ZNF385B: variants seen among roughly 807,000 people sequenced by gnomAD.
ZNF385B encodes zinc finger protein 385B.
ZNF385B carries 23 observed loss-of-function variants against 39.2 expected under a neutral mutation model. That is an observed-to-expected ratio of 0.59 (90% confidence interval 0.42 to 0.83). The LOEUF is 0.83. Ranked by LOEUF, ZNF385B falls within the 40% of genes least tolerant of loss-of-function variation. The pLI is 0.00. For missense variants in ZNF385B, 552 were observed against 598.9 expected (o/e 0.92, Z 0.82); for synonymous variants, 205 against 222.6 (o/e 0.92, Z 0.70).
chr2:179,701,462 A>G (rs1399794473), intron 3 of ZNF385B, among the ~76,000 whole-genome samples: 1 of 152,222 alleles, frequency 6.6e-6, no homozygotes, highest in African/African-American at 2.4e-5. Context: ...TGTAGTAGAA[A>G]CAATTATTAT....
At position 179,809,081 on chromosome 2, in the gene ZNF385B, T is replaced by A. The variant is rs1029792036; in HGVS notation, c.-154-38409A>T. Among the ~76,000 whole-genome samples, 8 of 152,232 alleles carry A rather than the reference T, an allele frequency of 5.3e-5. No individual in the cohort carries two copies. The South Asian group carries it at 1.4e-3, about 28-fold the overall frequency. On this transcript the variant is annotated intron_variant, in intron 1 of 9. Transcript: ENST00000410066. ...CAGGTTGATAGCTGTCAAGCTATGA[T>A]TACTGCCTCTAGAATATGAAAACAT... is the stretch of plus-strand genomic sequence containing the variant.
At chr2:179,765,097 A>G (rs931302470) in intron 3 of ZNF385B, among the ~76,000 whole-genome samples, 3 of 152,092 alleles carry the variant, frequency 2.0e-5, no homozygotes, top group African/African-American at 7.2e-5. Context: ...AGGCCTCCAT[A>G]ATTGTGTGAG....
intron 6 of ZNF385B, among the ~76,000 whole-genome samples, chr2:179,477,399 TA>T (rs1396999861): frequency 6.6e-6 from 1 of 152,182 alleles, no homozygotes; most frequent in Non-Finnish European, 1.5e-5. Context: ...AAGCACAATA[TA>T]CTGAAAACTA....
chr2:179,584,356 G>A (rs1686860237), intron 3 of ZNF385B, among the ~76,000 whole-genome samples: 1 of 152,026 alleles, frequency 6.6e-6, no homozygotes, highest in African/African-American at 2.4e-5. Context: ...AAGCCACTGA[G>A]AACTGCTGCA....
At chr2:179,859,253 C>T (rs971139746) in intron 1 of ZNF385B, among the ~76,000 whole-genome samples, 2 of 152,204 alleles carry the variant, frequency 1.3e-5, no homozygotes, top group East Asian at 1.9e-4. Flanking sequence ...GAGACACCTC[C>T]GTTTGGTTTC....
At chr2:179,465,173 C>T (rs866366842) in intron 6 of ZNF385B, among the ~76,000 whole-genome samples, 2 of 152,048 alleles carry the variant, frequency 1.3e-5, no homozygotes, top group African/African-American at 4.8e-5. Flanking sequence ...TGAAATTTCC[C>T]CTGACTGGTT....
intron 6 of ZNF385B, among the ~76,000 whole-genome samples, chr2:179,472,786 A>T (rs1042060311): frequency 3.3e-5 from 5 of 152,146 alleles, no homozygotes; most frequent in African/African-American, 1.2e-4. Context: ...TTTGGATCTC[A>T]GTAGCCAACC....
Position 179,690,793 on chromosome 2 carries a change from C to T in ZNF385B, c.298+78710G>A, listed in dbSNP as rs7592625. Among the ~76,000 whole-genome samples, 706 of 152,316 alleles carry T rather than the reference C, an allele frequency of 4.6e-3. 8 individuals are homozygous for T. Among genetic ancestry groups the T allele is most frequent in the African/African-American group, 0.015 (631 of 41,570 alleles). On this transcript the variant is annotated intron_variant, in intron 3 of 9. Transcript: ENST00000410066. The stretch of plus-strand genomic sequence containing the variant: ...GAAATTAAATGAAATCATGCTTGCT[C>T]ACAGTAAATCCTTAACAAATGACAG...
intron 6 of ZNF385B, among the ~76,000 whole-genome samples, chr2:179,468,370 G>A (rs547108259): frequency 6.2e-4 from 95 of 152,182 alleles, no homozygotes; most frequent in African/African-American, 1.8e-3. Flanking sequence ...CAACTTCTCC[G>A]GGTTGAAAAA....
intron 3 of ZNF385B, among the ~76,000 whole-genome samples, chr2:179,746,676 T>C (rs1190937187): frequency 6.6e-6 from 1 of 152,186 alleles, no homozygotes; most frequent in African/African-American, 2.4e-5. Flanking sequence ...ATTAAACCCA[T>C]GTATTTTTAT....
At chr2:179,748,645 A>G (rs2106464753) in intron 3 of ZNF385B, among the ~76,000 whole-genome samples, 1 of 152,302 alleles carries the variant, frequency 6.6e-6, no homozygotes, top group South Asian at 2.1e-4. Flanking sequence ...ATTTTCTGCC[A>G]TCAAGAGCCA....
intron 4 of ZNF385B, among the ~76,000 whole-genome samples, chr2:179,524,411 G>A (rs2058726506): frequency 6.6e-6 from 1 of 151,616 alleles, no homozygotes; most frequent in South Asian, 2.1e-4. Context: ...AATTAGCCGG[G>A]CGTGGTGGTG....
At chr2:179,787,949 A>C (rs1317169887) in intron 1 of ZNF385B, among the ~76,000 whole-genome samples, 1 of 152,180 alleles carries the variant, frequency 6.6e-6, no homozygotes, top group Non-Finnish European at 1.5e-5. Flanking sequence ...AATTCACTGA[A>C]ACAAATTTTA....
At chr2:179,475,685 A>C (rs2053338836) in intron 6 of ZNF385B, among the ~76,000 whole-genome samples, 1 of 4,126 alleles carries the variant, frequency 2.4e-4, no homozygotes, top group Non-Finnish European at 6.7e-4. Flanking sequence ...AACAGACTTT[A>C]CACATGTTTC....
chr2:179,632,906 C>A (rs1238997114), intron 3 of ZNF385B, among the ~76,000 whole-genome samples: 2 of 152,198 alleles, frequency 1.3e-5, no homozygotes, highest in African/African-American at 4.8e-5. Context: ...AAACTACCAT[C>A]AGAGAATACT....
intron 3 of ZNF385B, among the ~76,000 whole-genome samples, chr2:179,682,339 G>C (rs1343452382): frequency 6.6e-6 from 1 of 152,172 alleles, no homozygotes; most frequent in African/African-American, 2.4e-5. Flanking sequence ...GATTTGCTGG[G>C]TCTACATGTC....
chr2:179,583,015 A>G (rs1363558069), intron 3 of ZNF385B, among the ~76,000 whole-genome samples: 1 of 152,032 alleles, frequency 6.6e-6, no homozygotes. Context: ...TCGCCTGGCT[A>G]ATTTTGCATT....
At chr2:179,680,582 G>T (rs372704795) in intron 3 of ZNF385B, among the ~76,000 whole-genome samples, 2 of 152,036 alleles carry the variant, frequency 1.3e-5, no homozygotes, top group South Asian at 2.1e-4. Flanking sequence ...TGTTAACTTT[G>T]TTATAATTAA....
At chr2:179,545,223 G>T (rs574373088) in intron 3 of ZNF385B, among the ~76,000 whole-genome samples, 4 of 152,312 alleles carry the variant, frequency 2.6e-5, no homozygotes, top group South Asian at 2.1e-4. Flanking sequence ...ACACCTAGTA[G>T]ACAGATCCTA....
Sources: allele counts gnomAD v4.1 joint callset (sites outside exome capture counted in the v4.1 genomes callset), GRCh38; gene constraint gnomAD v4.1.1; transcripts MANE v1.5; gene names NCBI Gene and HGNC (gene_info 2026-07-23, HGNC 2026-07-21).